The following AFF3 variants were observed in gnomAD, a reference collection of about 807,000 sequenced individuals.
AFF3 encodes the protein ALF transcription elongation factor 3.
In AFF3, 32 loss-of-function variants were observed where a neutral mutation model predicts 129.7. The observed-to-expected ratio is 0.25, with a 90% CI of 0.19 to 0.33. AFF3 has a LOEUF of 0.33. Ranked by LOEUF, AFF3 falls within the 10% of genes least tolerant of loss-of-function variation. The probability of loss-of-function intolerance (pLI) is 1.00; values close to 1 mark genes in which losing one functional copy is unlikely to be tolerated. For missense variants in AFF3, 1,373 were observed against 1,592.0 expected (o/e 0.86, Z 2.34); for synonymous variants, 644 against 635.4 (o/e 1.01, Z -0.20).
intron 7 of AFF3, among the ~76,000 whole-genome samples, chr2:99,967,201 TC>T: frequency 6.6e-6 from 1 of 152,162 alleles, no homozygotes; most frequent in East Asian, 1.9e-4. Flanking sequence ...ACACAGGTAT[TC>T]CCCAAGGTTC....
chr2:100,050,305 C>T (rs1686192971), intron 4 of AFF3, among the ~76,000 whole-genome samples: 1 of 152,034 alleles, frequency 6.6e-6, no homozygotes, highest in Admixed American at 6.6e-5. Context: ...GTCACATAAA[C>T]ATTCTTATGT....
chr2:99,599,065 G>A (rs1430228791), intron 14 of AFF3, among the ~76,000 whole-genome samples: 1 of 152,070 alleles, frequency 6.6e-6, no homozygotes, highest in Admixed American at 6.5e-5. Context: ...ATAGCATCAG[G>A]TGACTTAAAC....
At chr2:99,830,729 T>C (rs1386725207) in intron 8 of AFF3, among the ~76,000 whole-genome samples, 2 of 152,164 alleles carry the variant, frequency 1.3e-5, no homozygotes, top group Non-Finnish European at 2.9e-5. Context: ...AGTGAGACTT[T>C]GTCTCAAAAA....
At chr2:99,772,174 G>A (rs58317583) in intron 8 of AFF3, among the ~76,000 whole-genome samples, 4,985 of 152,214 alleles carry the variant, frequency 0.033, 298 homozygotes, top group African/African-American at 0.11. Flanking sequence ...AATAGGGAAG[G>A]AGAGAAGAGG....
At chr2:99,561,112 T>TGAG (rs1675427544) in intron 20 of AFF3, among the ~76,000 whole-genome samples, 1 of 152,262 alleles carries the variant, frequency 6.6e-6, no homozygotes, top group Non-Finnish European at 1.5e-5. Flanking sequence ...CAGATTGTCC[T>TGAG]AGGTTCAAAT....
chr2:100,122,504 T>C (rs1214554563), intron 2 of AFF3, among the ~76,000 whole-genome samples: 1 of 152,032 alleles, frequency 6.6e-6, no homozygotes, highest in Non-Finnish European at 1.5e-5. Flanking sequence ...CAGGGCAAAT[T>C]AAGAGATGGT....
intron 7 of AFF3, among the ~76,000 whole-genome samples, chr2:99,936,561 T>A (rs1241888527): frequency 6.6e-6 from 1 of 152,196 alleles, no homozygotes; most frequent in Admixed American, 6.5e-5. Context: ...TTACACAGTT[T>A]ACAGGCTGTA....
chr2:99,797,100 G>T (rs1685606484), intron 8 of AFF3, among the ~76,000 whole-genome samples: 2 of 152,084 alleles, frequency 1.3e-5, no homozygotes, highest in African/African-American at 4.8e-5. Flanking sequence ...CACCATACGT[G>T]CAAAGAAGCA....
In AFF3 at chr2:99,554,752, C is replaced by G. The variant is rs1328483944; in HGVS notation, c.3286-20G>C. 6.2e-7 allele frequency: 1 copy of G among 1,614,078 alleles called. No homozygotes were observed. Among genetic ancestry groups the G allele is most frequent in the East Asian group, 2.2e-5 (1 of 44,882 alleles). Reference sequence around the variant, plus strand: ...TGAGTTCTGCAAGAAAATAAAAACACTGACAGTGAGTGCCATCTGCGTGAG... The same window carrying G: ...TGAGTTCTGCAAGAAAATAAAAACAGTGACAGTGAGTGCCATCTGCGTGAG... On this transcript the variant is annotated intron_variant, in intron 22 of 24. Transcript: ENST00000672756.
chr2:99,717,784 A>AGTTGTAAAGATAC (rs1163052095), intron 11 of AFF3, among the ~76,000 whole-genome samples: 1 of 152,110 alleles, frequency 6.6e-6, no homozygotes, highest in Non-Finnish European at 1.5e-5. Context: ...GTCTGTTCCT[A>AGTTGTAAAGATAC]GTTGTAAAGA....
At chr2:100,056,496 A>T (rs1482434614) in intron 4 of AFF3, among the ~76,000 whole-genome samples, 1 of 152,156 alleles carries the variant, frequency 6.6e-6, no homozygotes, top group Non-Finnish European at 1.5e-5. Flanking sequence ...CTTGATTCAC[A>T]AAATATTATC....
chr2:99,874,196 A>G (rs1021200034), intron 7 of AFF3, among the ~76,000 whole-genome samples: 1 of 151,818 alleles, frequency 6.6e-6, no homozygotes, highest in African/African-American at 2.4e-5. Flanking sequence ...AAAAAACTCT[A>G]CTCACTGTAA....
At chr2:99,778,611 C>T (rs887677340) in intron 8 of AFF3, among the ~76,000 whole-genome samples, 1 of 152,130 alleles carries the variant, frequency 6.6e-6, no homozygotes, top group African/African-American at 2.4e-5. Flanking sequence ...GTCTTCCTAT[C>T]CATGAGCACA....
intron 4 of AFF3, among the ~76,000 whole-genome samples, chr2:100,070,431 T>C (rs769826526): frequency 6.6e-6 from 1 of 152,248 alleles, no homozygotes; most frequent in Non-Finnish European, 1.5e-5. Context: ...GTCATGTTTA[T>C]GCTCCAGGTC....
At chr2:100,139,990 A>G (rs1382985728) in intron 1 of AFF3, among the ~76,000 whole-genome samples, 1 of 152,250 alleles carries the variant, frequency 6.6e-6, no homozygotes, top group Non-Finnish European at 1.5e-5. Context: ...TGAAAGAACA[A>G]GTTAAATCAT....
At chr2:100,030,066 A>AAAT (rs70940193) in intron 4 of AFF3, among the ~76,000 whole-genome samples, 8,263 of 147,792 alleles carry the variant, frequency 0.056, 455 homozygotes, top group African/African-American at 0.14. Flanking sequence ...GACTGTCTCA[A>AAAT]AATAATAATA....
At chr2:99,923,583 T>C (rs796749172) in intron 7 of AFF3, among the ~76,000 whole-genome samples, 9 of 152,150 alleles carry the variant, frequency 5.9e-5, no homozygotes, top group African/African-American at 2.2e-4. Flanking sequence ...GGATGTAGAG[T>C]GAGGTCCAAT....
chr2:99,702,205 T>C (rs958070922), intron 11 of AFF3, among the ~76,000 whole-genome samples: 1 of 152,240 alleles, frequency 6.6e-6, no homozygotes, highest in Non-Finnish European at 1.5e-5. Flanking sequence ...GGAGTGTCTA[T>C]ACCATTTTAC....
chr2:99,623,362 A>G (rs1410830485), intron 13 of AFF3, among the ~76,000 whole-genome samples: 1 of 152,072 alleles, frequency 6.6e-6, no homozygotes, highest in Non-Finnish European at 1.5e-5. Context: ...TGGTCTGTCA[A>G]TTGGTCAAGG....
Sources: gnomAD v4.1 joint callset for allele counts (sites outside exome capture counted in the v4.1 genomes callset) on GRCh38, gnomAD v4.1.1 for gene constraint, MANE v1.5 for transcripts, NCBI Gene and HGNC (gene_info 2026-07-23, HGNC 2026-07-21) for gene names.